Variants in SUGCT observed in about 807,000 individuals in gnomAD.
SUGCT encodes succinyl-CoA:glutarate CoA-transferase.
SUGCT carries 41 observed loss-of-function variants against 55.0 expected under a neutral mutation model. The observed-to-expected ratio is 0.74, with a 90% CI of 0.58 to 0.97. SUGCT has a LOEUF of 0.97. Ranked by LOEUF, SUGCT falls within the 50% of genes least tolerant of loss-of-function variation. SUGCT has a pLI of 0.00. For missense variants in SUGCT, 568 were observed against 547.8 expected, an observed-to-expected ratio of 1.04 and a Z score of -0.37; for synonymous variants, 187 against 200.4, an observed-to-expected ratio of 0.93 and a Z score of 0.56.
At chr7:40,675,285 C>T (rs975571806) in intron 12 of SUGCT, among the ~76,000 whole-genome samples, 1 of 152,184 alleles carries the variant, frequency 6.6e-6, no homozygotes, top group Admixed American at 6.5e-5. Flanking sequence ...TCTCAAACTC[C>T]TGACCTCAGG....
rs1472902871 is a variant in SUGCT at position 40,237,659 on chromosome 7, C to G, written c.509C>G (p.Ser170Cys). 1 of 1,613,808 alleles carries G rather than the reference C, an allele frequency of 6.2e-7. No homozygotes were observed. The highest frequency in any genetic ancestry group is 1.3e-5 in the African/African-American group (1 of 74,924). Residue 170 changes from serine (S) to cysteine (C), a missense_variant, in exon 7 of 14, where the codon TCT (serine) becomes TGT (cysteine). Transcript: ENST00000335693. ...ITGYGQTGPISQRAGYDAVAS... is the reference protein window; with the variant it reads ...ITGYGQTGPICQRAGYDAVAS... ...GGGTATGGTCAGACAGGTCCAATTTCTCAGCGAGCTGGTTATGATGCTGTT... is the reference window on the plus strand; with the variant it reads ...GGGTATGGTCAGACAGGTCCAATTTGTCAGCGAGCTGGTTATGATGCTGTT...
chr7:40,758,529 G>T (rs1319985207), intron 13 of SUGCT, among the ~76,000 whole-genome samples: 1 of 152,048 alleles, frequency 6.6e-6, no homozygotes, highest in African/African-American at 2.4e-5. Flanking sequence ...AATAGGAAAT[G>T]TATCATATCC....
intron 13 of SUGCT, among the ~76,000 whole-genome samples, chr7:40,796,156 A>G (rs1198261551): frequency 6.6e-6 from 1 of 152,188 alleles, no homozygotes; most frequent in Non-Finnish European, 1.5e-5. Context: ...AAAACCACAC[A>G]GTGTGTTGAG....
intron 9 of SUGCT, among the ~76,000 whole-genome samples, chr7:40,346,527 A>G (rs967721860): frequency 2.6e-5 from 4 of 152,208 alleles, no homozygotes; most frequent in African/African-American, 9.6e-5. Context: ...AGAAAGTTAT[A>G]TAACTTTTCT....
chr7:40,312,260 C>T (rs1206938863), intron 8 of SUGCT, among the ~76,000 whole-genome samples: 3 of 151,968 alleles, frequency 2.0e-5, no homozygotes, highest in East Asian at 1.9e-4. Flanking sequence ...AGGCTGGTCT[C>T]GAACTCCCGA....
chr7:40,979,062 A>G, the SUGCT span, among the ~76,000 whole-genome samples: 1 of 151,998 alleles, frequency 6.6e-6, no homozygotes, highest in Non-Finnish European at 1.5e-5. Context: ...ATGTACCCCC[A>G]TATTCACAGT....
At chr7:40,906,447 A>AT in the SUGCT span, among the ~76,000 whole-genome samples, 5 of 152,280 alleles carry the variant, frequency 3.3e-5, no homozygotes, top group South Asian at 8.3e-4. Context: ...ATAATGTGTA[A>AT]TTTTTTATTG....
chr7:40,335,114 C>A (rs1435802278), intron 9 of SUGCT, among the ~76,000 whole-genome samples: 11 of 152,088 alleles, frequency 7.2e-5, no homozygotes, highest in African/African-American at 2.7e-4. Flanking sequence ...TGGTCTATAT[C>A]TCTGTTTTGG....
chr7:40,453,897 C>G lies in SUGCT; in HGVS notation c.888+4539C>G, dbSNP rs530490123. 4.6e-5 allele frequency among the ~76,000 whole-genome samples: 7 copies of G among 152,226 alleles called. No individual in the cohort carries two copies. In the East Asian group the frequency reaches 1.2e-3, roughly 25 times the overall value. On this transcript the variant is annotated intron_variant, in intron 10 of 13. Transcript: ENST00000335693. The stretch of plus-strand genomic sequence containing the variant: ...TTTACATAGCTATTATAACAACGCT[C>G]TAACAAGCATCACAAACACTGTTTA...
chr7:40,694,186 A>G (rs1169205003), intron 12 of SUGCT, among the ~76,000 whole-genome samples: 1 of 152,160 alleles, frequency 6.6e-6, no homozygotes, highest in Non-Finnish European at 1.5e-5. Flanking sequence ...AAAGGCCCCA[A>G]GTGTGAATGA....
At chr7:40,974,793 T>C in the SUGCT span, among the ~76,000 whole-genome samples, 12 of 152,296 alleles carry the variant, frequency 7.9e-5, no homozygotes, top group Non-Finnish European at 1.2e-4. Context: ...AAATGCTAAG[T>C]GAATTAAGGA....
At chr7:40,603,781 T>C (rs1433408522) in intron 12 of SUGCT, among the ~76,000 whole-genome samples, 1 of 152,224 alleles carries the variant, frequency 6.6e-6, no homozygotes, top group Non-Finnish European at 1.5e-5. Context: ...TTAGTAAGCA[T>C]GAAATTTAAT....
the SUGCT span, among the ~76,000 whole-genome samples, chr7:41,017,064 T>C: frequency 6.6e-6 from 1 of 152,252 alleles, no homozygotes; most frequent in African/African-American, 2.4e-5. Flanking sequence ...TACTCAGCCA[T>C]GCGCTTGCTC....
intron 13 of SUGCT, among the ~76,000 whole-genome samples, chr7:40,820,903 T>C (rs1485856822): frequency 6.6e-6 from 1 of 152,194 alleles, no homozygotes; most frequent in African/African-American, 2.4e-5. Context: ...TCTGGGTTTG[T>C]CATAAATAGC....
chr7:40,618,595 T>G (rs903375137), intron 12 of SUGCT, among the ~76,000 whole-genome samples: 2 of 152,212 alleles, frequency 1.3e-5, no homozygotes, highest in African/African-American at 4.8e-5. Context: ...TTGATGGCAT[T>G]TGCTAGCTAT....
intron 5 of SUGCT, among the ~76,000 whole-genome samples, chr7:40,191,933 C>A (rs1326530138): frequency 6.6e-6 from 1 of 151,870 alleles, no homozygotes; most frequent in Non-Finnish European, 1.5e-5. Flanking sequence ...CATGGTGAAA[C>A]CCTGTCTCTA....
intron 1 of SUGCT, among the ~76,000 whole-genome samples, chr7:40,140,082 T>TTA (rs1787905834): frequency 6.6e-6 from 1 of 152,070 alleles, no homozygotes; most frequent in Non-Finnish European, 1.5e-5. Flanking sequence ...TTTTGTGTGT[T>TTA]TAGTAGAGAC....
chr7:40,420,927 T>C (rs1452907326), intron 9 of SUGCT, among the ~76,000 whole-genome samples: 2 of 152,288 alleles, frequency 1.3e-5, no homozygotes, highest in Middle Eastern at 3.4e-3. Context: ...GGTTTATTGA[T>C]TAAAGCCCAC....
chr7:40,992,943 G>A, the SUGCT span, among the ~76,000 whole-genome samples: 1 of 152,176 alleles, frequency 6.6e-6, no homozygotes, highest in Admixed American at 6.5e-5. Flanking sequence ...GGAGGGGACA[G>A]GTAAGAGAAT....
Sources: gnomAD v4.1 joint callset for allele counts (sites outside exome capture counted in the v4.1 genomes callset) on GRCh38, gnomAD v4.1.1 for gene constraint, MANE v1.5 for transcripts, NCBI Gene and HGNC (gene_info 2026-07-23, HGNC 2026-07-21) for gene names.